Variants in OPRM1 observed in about 807,000 individuals in gnomAD.
The protein encoded by OPRM1 is mu-type opioid receptor.
A neutral mutation model predicts 31.8 loss-of-function variants in OPRM1; 27 were observed. The observed-to-expected ratio is 0.85, with a 90% confidence interval of 0.63 to 1.17. The LOEUF (loss-of-function observed/expected upper bound fraction) is 1.17, where lower values mean the gene tolerates loss of function less well. OPRM1 is among the 50% of genes most tolerant of loss of function. The pLI is 0.00. For missense variants in OPRM1, 536 were observed against 511.1 expected (o/e 1.05, Z -0.47); for synonymous variants, 196 against 189.9 (o/e 1.03, Z -0.26).
intron 3 of OPRM1, among the ~76,000 whole-genome samples, chr6:154,232,448 A>G (rs563835740): frequency 6.6e-6 from 1 of 152,226 alleles, no homozygotes; most frequent in East Asian, 1.9e-4. Context: ...GAGGAAAATT[A>G]ATCCCATGCC....
intron 3 of OPRM1, chr6:154,091,692 A>G: frequency 1.5e-6 from 2 of 1,306,658 alleles, no homozygotes; most frequent in Non-Finnish European, 1.9e-6. Context: ...CACCAATGAG[A>G]AATCCATGAA....
chr6:154,134,966 C>A (rs1798018611), downstream of OPRM1, among the ~76,000 whole-genome samples: 1 of 152,210 alleles, frequency 6.6e-6, no homozygotes, highest in Non-Finnish European at 1.5e-5. Context: ...ACCCTTCTTT[C>A]ATACCCACCC....
chr6:154,150,815 C>T (rs751629360), intron 3 of OPRM1, among the ~76,000 whole-genome samples: 11 of 151,522 alleles, frequency 7.3e-5, no homozygotes, highest in Non-Finnish European at 1.5e-4. Flanking sequence ...ATTTTGAACT[C>T]TTTCTGCCTT....
Position 154,213,214 on chromosome 6 carries a change from G to A in OPRM1, c.1165-33479G>A, listed in dbSNP as rs146082600. ...AATCCTAATGAATTGAAACTGGCAG[G>A]ATCACTAAACTATCAGTGGTGCACA... On this transcript the variant is annotated intron_variant, in intron 3 of 3. Transcript: ENST00000337049. The A allele has an allele frequency of 1.7e-3, 408 of 246,356 alleles. 2 individuals are homozygous for A. The highest frequency in any genetic ancestry group is 8.8e-3 in the African/African-American group (396 of 45,214). 15.3% of individuals were successfully genotyped at this position (246,356 alleles called of 1,614,324 possible). A position where few individuals can be genotyped will look rare whatever the true frequency, so the allele number is the denominator to read the frequency against.
chr6:154,192,240 C>T (rs957893843), intron 3 of OPRM1, among the ~76,000 whole-genome samples: 1 of 152,044 alleles, frequency 6.6e-6, no homozygotes, highest in Admixed American at 6.6e-5. Context: ...TGGGTGAGCA[C>T]TCTCAATACC....
intron 3 of OPRM1, among the ~76,000 whole-genome samples, chr6:154,097,815 C>A (rs893970996): frequency 2.0e-5 from 3 of 151,916 alleles, no homozygotes; most frequent in African/African-American, 7.3e-5. Flanking sequence ...ATATATTGAC[C>A]ATTTTGTGTC....
rs1797925069 is a variant in OPRM1, at chr6:154,131,995, T to C, written c.*13274T>C. Reference sequence around the variant, plus strand: ...GTGTTAGTTCCATCATCATGTCTGTTTACTATTGAAAAATAAATATCTTCA... The same window carrying C: ...GTGTTAGTTCCATCATCATGTCTGTCTACTATTGAAAAATAAATATCTTCA... On this transcript the variant is annotated 3_prime_UTR_variant, in exon 4 of 4. Transcript: ENST00000330432. Among the ~76,000 whole-genome samples the C allele has an allele frequency of 1.3e-5, 2 of 151,738 alleles. 1 individual carries two copies. The highest frequency in any genetic ancestry group is 4.1e-4 in the South Asian group (2 of 4,826).
chr6:154,134,023 A>T (rs534944334), downstream of OPRM1, among the ~76,000 whole-genome samples: 1 of 152,234 alleles, frequency 6.6e-6, no homozygotes, highest in African/African-American at 2.4e-5. Flanking sequence ...CTGAAGACTC[A>T]TTTTTAAAAA....
chr6:154,119,783 C>G lies in OPRM1; in HGVS notation c.*1062C>G, dbSNP rs1383373313. Among the ~76,000 whole-genome samples, 4 of 152,146 alleles carry G rather than the reference C, an allele frequency of 2.6e-5. No individual in the cohort carries two copies. The highest frequency in any genetic ancestry group is 2.0e-4 in the Admixed American group (3 of 15,266). ...ATGACCATACAGAAAAGTGTGTCATCTATTTTTCAATCCTGTGTAGTTACT... is the reference window on the plus strand; with the variant it reads ...ATGACCATACAGAAAAGTGTGTCATGTATTTTTCAATCCTGTGTAGTTACT... On this transcript the variant is annotated 3_prime_UTR_variant, in exon 4 of 4. Coordinates refer to ENST00000330432, the MANE Select transcript of OPRM1 (RefSeq NM_000914.5).
chr6:154,103,806 G>C (rs1002068637), intron 3 of OPRM1, among the ~76,000 whole-genome samples: 1 of 152,040 alleles, frequency 6.6e-6, no homozygotes, highest in Non-Finnish European at 1.5e-5. Flanking sequence ...GGACAACCAG[G>C]GGTCACTCTT....
At chr6:154,222,658 TTTTTGGTCCCTGTCA>T in intron 3 of OPRM1, among the ~76,000 whole-genome samples, 1 of 152,162 alleles carries the variant, frequency 6.6e-6, no homozygotes, top group Non-Finnish European at 1.5e-5. Context: ...CTGGTAATTT[TTTTTGGTCCCTGTCA>T]GTGCTCAAAT....
At chr6:154,066,972 G>GA (rs1785550442) in intron 1 of OPRM1, among the ~76,000 whole-genome samples, 1 of 152,044 alleles carries the variant, frequency 6.6e-6, no homozygotes. Context: ...TTTGTCCATA[G>GA]AACTCTCTTG....
chr6:154,100,136 AAT>A (rs1491582501), intron 3 of OPRM1, among the ~76,000 whole-genome samples: 3 of 72,804 alleles, frequency 4.1e-5, no homozygotes, highest in Non-Finnish European at 7.9e-5. Context: ...TATGACATAT[AAT>A]ATATATTATC....
intron 3 of OPRM1, among the ~76,000 whole-genome samples, chr6:154,212,527 A>T (rs1216429909): frequency 6.6e-6 from 1 of 152,238 alleles, no homozygotes; most frequent in Non-Finnish European, 1.5e-5. Flanking sequence ...TTGCATCCTC[A>T]TGAATTCTCT....
upstream of OPRM1, among the ~76,000 whole-genome samples, chr6:154,038,921 T>C (rs963127034): frequency 6.6e-6 from 1 of 152,174 alleles, no homozygotes; most frequent in Non-Finnish European, 1.5e-5. Context: ...CAACAAGGAC[T>C]GCAAAAGAAA....
chr6:154,080,752 G>T (rs1316623907), intron 1 of OPRM1, among the ~76,000 whole-genome samples: 2 of 152,178 alleles, frequency 1.3e-5, no homozygotes, highest in Admixed American at 6.5e-5. Flanking sequence ...ATTTCCAATG[G>T]CTTAATGAAC....
chr6:154,187,378 T>G (rs1801480227), intron 3 of OPRM1, among the ~76,000 whole-genome samples: 1 of 152,346 alleles, frequency 6.6e-6, no homozygotes, highest in Middle Eastern at 3.4e-3. Context: ...CCCCTCAGTG[T>G]TAGCTCTGTA....
At chr6:154,088,699 A>G (rs548277278) in intron 1 of OPRM1, among the ~76,000 whole-genome samples, 1 of 152,192 alleles carries the variant, frequency 6.6e-6, no homozygotes, top group African/African-American at 2.4e-5. Flanking sequence ...TTATAGGTCA[A>G]TTCCACCTCA....
At chr6:154,076,636 G>A (rs1787940076) in intron 1 of OPRM1, among the ~76,000 whole-genome samples, 1 of 152,036 alleles carries the variant, frequency 6.6e-6, no homozygotes, top group Non-Finnish European at 1.5e-5. Flanking sequence ...TTTCAGACCA[G>A]CACCTCTTCC....
Sources: gnomAD v4.1 joint callset for allele counts (sites outside exome capture counted in the v4.1 genomes callset) on GRCh38, gnomAD v4.1.1 for gene constraint, MANE v1.5 for transcripts, NCBI Gene and HGNC (gene_info 2026-07-23, HGNC 2026-07-21) for gene names.